Variants in YBX3 observed in about 807,000 individuals in gnomAD.
The protein encoded by YBX3 is Y-box-binding protein 3.
A neutral mutation model predicts 42.4 loss-of-function variants in YBX3; 29 were observed. The ratio of observed to expected loss-of-function variants is 0.68; its 90% CI spans 0.51 to 0.93. YBX3 has a LOEUF of 0.93. YBX3 is among the 40% of genes least tolerant of loss of function. YBX3 has a pLI of 0.00. For missense variants in YBX3, 517 were observed against 527.5 expected (o/e 0.98, Z 0.19); for synonymous variants, 195 against 189.8 (o/e 1.03, Z -0.22).
intron 6 of YBX3, among the ~76,000 whole-genome samples, chr12:10,709,565 A>G (rs1948174644): frequency 6.6e-6 from 1 of 152,218 alleles, no homozygotes; most frequent in Admixed American, 6.5e-5. Context: ...CCTCACAAAT[A>G]AGTAGCAGAA....
chr12:10,708,075 A>G (rs1202761658), intron 6 of YBX3, among the ~76,000 whole-genome samples: 1 of 152,228 alleles, frequency 6.6e-6, no homozygotes, highest in African/African-American at 2.4e-5. Context: ...AGAGACAACT[A>G]AAGTAAGAAC....
chr12:10,718,368 A>T, intron 2 of YBX3: 1 of 423,336 alleles, frequency 2.4e-6, no homozygotes, highest in East Asian at 3.7e-5. Flanking sequence ...ATACAGAAAC[A>T]TCCCGTTCCT....
chr12:10,706,853 T>C (rs1565587144), intron 6 of YBX3, among the ~76,000 whole-genome samples: 1 of 151,974 alleles, frequency 6.6e-6, no homozygotes, highest in Non-Finnish European at 1.5e-5. Flanking sequence ...TCGTTTCTAC[T>C]AAAAATACAA....
chr12:10,709,682 A>G (rs1466516412), intron 6 of YBX3, among the ~76,000 whole-genome samples: 2 of 152,216 alleles, frequency 1.3e-5, no homozygotes, highest in Non-Finnish European at 1.5e-5. Flanking sequence ...CTTTGGCCAT[A>G]AGGGTTCCCT....
chr12:10,703,951 T>G (rs1948109090), intron 7 of YBX3, 100 bp downstream of exon 7: 1 of 1,128,926 alleles, frequency 8.9e-7, no homozygotes, highest in South Asian at 1.4e-5. Flanking sequence ...TCACATCTTC[T>G]AGATATATAA....
intron 3 of YBX3, chr12:10,717,883 C>T: frequency 4.9e-6 from 2 of 407,128 alleles, no homozygotes; most frequent in East Asian, 7.5e-5. Context: ...AAAAATAAAA[C>T]TATTTGAAAA....
chr12:10,702,159 G>C (rs780900870), intron 7 of YBX3, 25 bp from the exon 8 acceptor site: 12 of 1,600,344 alleles, frequency 7.5e-6, no homozygotes, highest in Non-Finnish European at 1.0e-5. Flanking sequence ...GAAGAAAATA[G>C]AACAGGTGCC....
chr12:10,699,212 A>AT lies in YBX3; in HGVS notation c.*476dup, dbSNP rs199851560. 0.024 allele frequency: 3,538 copies of AT among 147,120 alleles called. 102 individuals carry two copies. Among genetic ancestry groups the AT allele is most frequent in the African/African-American group, 0.066 (2,668 of 40,326 alleles). The allele number at this position is 147,120 out of a possible 1,614,324, so 9.1% of individuals were successfully genotyped here. ...CTAGAAATAAATAAGAAGGACATAA[A>AT]TTTTTTTTTTTTTTAAATCATGACA... On this transcript the variant is annotated 3_prime_UTR_variant, in exon 10 of 10. Transcript: ENST00000228251.
chr12:10,702,190 G>C, intron 7 of YBX3, 56 bp from the exon 8 acceptor site: 1 of 1,521,142 alleles, frequency 6.6e-7, no homozygotes, highest in Non-Finnish European at 8.9e-7. Context: ...GGCTTCTCCA[G>C]AAAATAAGGT....
At chr12:10,710,820 C>T (rs1247502184) in intron 5 of YBX3, 3 of 180,524 alleles carry the variant, frequency 1.7e-5, no homozygotes, top group Non-Finnish European at 3.6e-5. Flanking sequence ...CCACTCTTTT[C>T]AATTTAAATA....
chr12:10,720,790 C>CTG (rs1357400609), intron 1 of YBX3: 1 of 152,024 alleles, frequency 6.6e-6, no homozygotes, highest in African/African-American at 2.4e-5. Flanking sequence ...TCAGGTCTAA[C>CTG]CTCAATCCAA....
chr12:10,709,458 T>C (rs1448534006), intron 6 of YBX3, among the ~76,000 whole-genome samples: 2 of 152,220 alleles, frequency 1.3e-5, no homozygotes, highest in African/African-American at 2.4e-5. Flanking sequence ...TCTCTTTTGC[T>C]AAATCCTTTA....
At chr12:10,716,536 T>C (rs1482404215) in intron 3 of YBX3, among the ~76,000 whole-genome samples, 1 of 152,244 alleles carries the variant, frequency 6.6e-6, no homozygotes, top group Non-Finnish European at 1.5e-5. Context: ...TGCTTATGAA[T>C]AGGTGCTGCT....
At chr12:10,702,208 A>G in intron 7 of YBX3, 74 bp from the exon 8 acceptor site, 1 of 1,434,976 alleles carries the variant, frequency 7.0e-7, no homozygotes, top group South Asian at 1.4e-5. Flanking sequence ...GGTTTTATTT[A>G]TTTTTAAAAA....
intron 1 of YBX3, among the ~76,000 whole-genome samples, chr12:10,719,607 A>G (rs1216216146): frequency 6.6e-6 from 1 of 152,232 alleles, no homozygotes; most frequent in Non-Finnish European, 1.5e-5. Context: ...GTTAACAGGC[A>G]ATCTACAAAG....
chr12:10,720,914 T>C (rs1364788999), intron 1 of YBX3: 1 of 152,162 alleles, frequency 6.6e-6, no homozygotes, highest in Non-Finnish European at 1.5e-5. Context: ...CTTTAAACCA[T>C]AAACCCACTT....
Position 10,702,033 on chromosome 12 carries a change from C to A in YBX3, c.980G>T (p.Arg327Leu), listed in dbSNP as rs140201332. The part of the protein sequence containing the change: ...TSGPNQPSVR[R>L]GYRRPYNYRR... The stretch of plus-strand genomic sequence containing the variant: ...GTAATTGTAGGGACGCCGGTATCCA[C>A]GGCGAACAGACGGCTGGTTTGGACC... Residue 327 changes from arginine (R) to leucine (L), a missense_variant, in exon 8 of 10, where the codon CGT becomes CTT. By Grantham distance (102) the Arg-to-Leu change is moderately radical. This residue lies in a region of YBX3 where 420 missense variants were observed against 408.5 expected (regional missense o/e 1.03). Transcript: ENST00000228251. 1.2e-6 allele frequency: 2 copies of A among 1,613,962 alleles called. No individual in the cohort carries two copies. The highest frequency in any genetic ancestry group is 1.7e-6 in the Non-Finnish European group (2 of 1,179,996).
chr12:10,709,069 A>G (rs552029279), intron 6 of YBX3, among the ~76,000 whole-genome samples: 95 of 152,292 alleles, frequency 6.2e-4, no homozygotes, highest in African/African-American at 2.1e-3. Context: ...GAGTAGAAGG[A>G]AAAAAACAAG....
chr12:10,705,714 C>T (rs1020181057), intron 6 of YBX3, among the ~76,000 whole-genome samples: 1 of 152,174 alleles, frequency 6.6e-6, no homozygotes, highest in African/African-American at 2.4e-5. Context: ...CATAAATATA[C>T]TATTCGTTAT....
Sources: gnomAD v4.1 joint callset for allele counts (sites outside exome capture counted in the v4.1 genomes callset) on GRCh38, gnomAD v4.1.1 for gene constraint, gnomAD v4.1.1 regional missense constraint, MANE v1.5 for transcripts, NCBI Gene and HGNC (gene_info 2026-07-23, HGNC 2026-07-21) for gene names.